Variants in KCTD1 observed in about 807,000 individuals in gnomAD.
The protein encoded by KCTD1 is BTB/POZ domain-containing protein KCTD1.
A neutral mutation model predicts 66.0 loss-of-function variants in KCTD1; 24 were observed. The ratio of observed to expected loss-of-function variants is 0.36; its 90% CI spans 0.26 to 0.51. The LOEUF is 0.51. KCTD1 is among the 20% of genes least tolerant of loss of function. The pLI, the probability that KCTD1 is intolerant of heterozygous loss-of-function variation, is 0.95. For synonymous variants in KCTD1, 511 were observed against 517.2 expected, an observed-to-expected ratio of 0.99 and a Z score of 0.16; for missense variants, 943 against 1,205.2, an observed-to-expected ratio of 0.78 and a Z score of 3.22.
chr18:26,603,096 C>T (rs1319074227), intron 1 of KCTD1, among the ~76,000 whole-genome samples: 1 of 152,150 alleles, frequency 6.6e-6, no homozygotes, highest in Admixed American at 6.5e-5. Context: ...TGACCCTCTT[C>T]CGTATAGCAT....
intron 1 of KCTD1, among the ~76,000 whole-genome samples, chr18:26,540,095 AG>A (rs1984904751): frequency 6.6e-6 from 1 of 152,182 alleles, no homozygotes; most frequent in Non-Finnish European, 1.5e-5. Flanking sequence ...TAAGACAGAA[AG>A]GATGGGGATT....
At chr18:26,579,441 A>G (rs541499259) in intron 1 of KCTD1, among the ~76,000 whole-genome samples, 6 of 152,322 alleles carry the variant, frequency 3.9e-5, no homozygotes, top group Admixed American at 3.3e-4. Flanking sequence ...GACCCCAGAG[A>G]AAACGAAAAT....
At chr18:26,625,273 G>C (rs904343497) in intron 1 of KCTD1, among the ~76,000 whole-genome samples, 1 of 152,124 alleles carries the variant, frequency 6.6e-6, no homozygotes, top group African/African-American at 2.4e-5. Context: ...AAGGACATGA[G>C]ATTTGGCAGG....
intron 3 of KCTD1, among the ~76,000 whole-genome samples, chr18:26,461,262 G>T (rs1380636722): frequency 6.6e-6 from 1 of 152,228 alleles, no homozygotes; most frequent in Non-Finnish European, 1.5e-5. Flanking sequence ...GTACTTGGGG[G>T]TCTTTAGCTG....
chr18:26,628,993 G>A (rs1217330992), intron 1 of KCTD1, among the ~76,000 whole-genome samples: 9 of 152,212 alleles, frequency 5.9e-5, no homozygotes, highest in Non-Finnish European at 1.2e-4. Flanking sequence ...GGGACTTTTA[G>A]TAAATGAATA....
chr18:26,532,261 C>CTTTCTTTTTTT (rs1394278500), intron 1 of KCTD1, among the ~76,000 whole-genome samples: 1 of 29,554 alleles, frequency 3.4e-5, no homozygotes, highest in African/African-American at 6.5e-5. Context: ...TTCTTTCCTT[C>CTTTCTTTTTTT]TTTTTTTTTT....
At position 26,501,137 on chromosome 18, in the gene KCTD1, G is replaced by A. The variant is rs587777000; in HGVS notation, c.1923C>T (p.His641=). 6 of 1,614,114 alleles carry A rather than the reference G, an allele frequency of 3.7e-6. No homozygotes were observed. The highest frequency in any genetic ancestry group is 1.1e-5 in the South Asian group (1 of 91,082). The change falls in exon 2 of 5, where the codon CAC becomes CAT. Residue 641 remains histidine, a synonymous_variant. Coordinates refer to ENST00000580059, the MANE Select transcript of KCTD1 (RefSeq NM_001142730.3). The part of the protein sequence containing the change: ...AQLTKSNAPV[H]IDVGGHMYTS... ...TGTACATGTGGCCGCCCACATCAAT[G>A]TGGACAGGCGCATTGGATTTTGTGA...
chr18:26,619,305 T>C (rs1005812108), intron 1 of KCTD1, among the ~76,000 whole-genome samples: 2 of 152,252 alleles, frequency 1.3e-5, no homozygotes, highest in Non-Finnish European at 2.9e-5. Flanking sequence ...TACTTGACTT[T>C]GTAAACAGAT....
intron 1 of KCTD1, among the ~76,000 whole-genome samples, chr18:26,608,690 C>A (rs1437048502): frequency 6.6e-6 from 1 of 152,074 alleles, no homozygotes; most frequent in Non-Finnish European, 1.5e-5. Context: ...TAATTAATCA[C>A]CTCCTAAGTC....
chr18:26,549,715 G>A (rs1985471657), upstream of KCTD1: 19 of 985,394 alleles, frequency 1.9e-5, no homozygotes, highest in Non-Finnish European at 2.2e-5. Flanking sequence ...TTCGGATCCG[G>A]AGCGCACTCT....
intron 2 of KCTD1, among the ~76,000 whole-genome samples, chr18:26,490,014 G>T (rs1982112060): frequency 6.6e-6 from 1 of 152,114 alleles, no homozygotes; most frequent in Non-Finnish European, 1.5e-5. Flanking sequence ...AAATGCCTGG[G>T]GTGTTGCTCA....
chr18:26,647,547 A>AAAAAAAAAAAAAAG (rs1987953620), intron 1 of KCTD1, among the ~76,000 whole-genome samples: 1 of 140,872 alleles, frequency 7.1e-6, no homozygotes, highest in Non-Finnish European at 1.5e-5. Context: ...AAAAAAAAAA[A>AAAAAAAAAAAAAAG]AAAAAAAGGG....
chr18:26,480,124 T>C (rs1981565620), intron 2 of KCTD1, among the ~76,000 whole-genome samples: 1 of 152,102 alleles, frequency 6.6e-6, no homozygotes, highest in African/African-American at 2.4e-5. Flanking sequence ...TTTTTGTTTT[T>C]TAAGGATGAT....
At chr18:26,500,998 T>C (rs1982730841) in intron 2 of KCTD1, 74 bp downstream of exon 2, 7 of 1,535,634 alleles carry the variant, frequency 4.6e-6, no homozygotes, top group Non-Finnish European at 6.2e-6. Context: ...GCTACACTGC[T>C]ATGCTGGTCA....
intron 1 of KCTD1, among the ~76,000 whole-genome samples, chr18:26,521,384 A>G (rs1463688601): frequency 6.6e-6 from 1 of 152,228 alleles, no homozygotes; most frequent in African/African-American, 2.4e-5. Flanking sequence ...CAAAAGCTCA[A>G]AATCTCTCAG....
chr18:26,481,455 T>C lies in KCTD1; in HGVS notation c.1989-4796A>G, dbSNP rs546094441. Reference sequence around the variant, plus strand: ...AACCCTGCCATGTGATTACTCTCTATTGGGGTGTAGTCAGGCTGGCTGAAA... The same window carrying C: ...AACCCTGCCATGTGATTACTCTCTACTGGGGTGTAGTCAGGCTGGCTGAAA... On this transcript the variant is annotated intron_variant, in intron 2 of 4. Coordinates refer to ENST00000580059, the MANE Select transcript of KCTD1 (RefSeq NM_001142730.3). 4.6e-5 allele frequency among the ~76,000 whole-genome samples: 7 copies of C among 152,230 alleles called. No homozygotes were observed. The South Asian group carries it at 8.3e-4, about 18-fold the overall frequency.
At position 26,637,680 on chromosome 18, in the gene KCTD1, C is replaced by T. The variant is rs182192290; in HGVS notation, c.-107+2631G>A. Among the ~76,000 whole-genome samples, 18 of 152,324 alleles carry T rather than the reference C, an allele frequency of 1.2e-4. No individual in the cohort carries two copies. The East Asian group carries it at 3.3e-3, about 28-fold the overall frequency. On this transcript the variant is annotated intron_variant, in intron 1 of 5. Coordinates refer to the KCTD1 transcript ENST00000579973. ...TTCCAGAACACAAAAGAAGGCATGT[C>T]TCTGTGAGTTGATTCAGCGGTCGGC... is the stretch of plus-strand genomic sequence containing the variant.
intron 1 of KCTD1, among the ~76,000 whole-genome samples, chr18:26,532,721 A>G (rs1371361316): frequency 6.6e-6 from 1 of 152,184 alleles, no homozygotes; most frequent in Non-Finnish European, 1.5e-5. Context: ...TGTTGGCATG[A>G]GTGGTCAGTG....
chr18:26,482,194 T>C (rs1013183579), intron 2 of KCTD1, among the ~76,000 whole-genome samples: 3 of 152,224 alleles, frequency 2.0e-5, no homozygotes, highest in African/African-American at 7.2e-5. Context: ...CTAATGCCAG[T>C]TACTACTCAT....
Sources: gnomAD v4.1 joint callset for allele counts (sites outside exome capture counted in the v4.1 genomes callset) on GRCh38, gnomAD v4.1.1 for gene constraint, MANE v1.5 for transcripts, NCBI Gene and HGNC (gene_info 2026-07-23, HGNC 2026-07-21) for gene names.